Variants in KDM2B observed in about 807,000 individuals in gnomAD.
KDM2B encodes the protein lysine-specific demethylase 2B.
KDM2B carries 26 observed loss-of-function variants against 150.0 expected under a neutral mutation model. The ratio of observed to expected loss-of-function variants is 0.17; its 90% confidence interval spans 0.13 to 0.24. The LOEUF is 0.24. Ranked by LOEUF, KDM2B falls within the 10% of genes least tolerant of loss-of-function variation. The pLI, the probability that KDM2B is intolerant of heterozygous loss-of-function variation, is 1.00. For synonymous variants in KDM2B, 734 were observed against 729.5 expected (o/e 1.01, Z -0.10); for missense variants, 1,265 against 1,816.9 (o/e 0.70, Z 5.52).
chr12:121,519,884 TTTTG>T (rs1886535168), intron 9 of KDM2B, among the ~76,000 whole-genome samples: 1 of 151,802 alleles, frequency 6.6e-6, no homozygotes, highest in African/African-American at 2.4e-5. Context: ...AGTCTCTGGG[TTTTG>T]TTTGTTTCTT....
Position 121,453,516 on chromosome 12 carries a change from G to C in KDM2B, c.1735-172C>G, listed in dbSNP as rs1348991115. On this transcript the variant is annotated intron_variant, in intron 12 of 22. Coordinates refer to ENST00000377071, the MANE Select transcript of KDM2B (RefSeq NM_032590.5). The surrounding 1 kb of genome is among the most constrained non-coding windows in gnomAD (Gnocchi z 6.4). Reference sequence around the variant, plus strand: ...TGGAGATGGGGGCTTTGCAGAGACCGTCAGGTTAAACGAGGTAATTCAGGT... The same window carrying C: ...TGGAGATGGGGGCTTTGCAGAGACCCTCAGGTTAAACGAGGTAATTCAGGT... 6.6e-6 allele frequency among the ~76,000 whole-genome samples: 1 copy of C among 152,256 alleles called. No individual in the cohort carries two copies. The highest frequency in any genetic ancestry group is 2.4e-5 in the African/African-American group (1 of 41,470).
intron 12 of KDM2B, among the ~76,000 whole-genome samples, chr12:121,473,545 CCT>C (rs781855637): frequency 6.6e-6 from 1 of 151,800 alleles, no homozygotes; most frequent in Non-Finnish European, 1.5e-5. Context: ...ATGGAGAAAC[CCT>C]GTCTCTACTA....
chr12:121,419,759 G>C, the KDM2B span: 1 of 153,148 alleles, frequency 6.5e-6, no homozygotes, highest in Non-Finnish European at 1.5e-5. Context: ...GTGAAGTCTA[G>C]AAAGCCTTCG....
intron 6 of KDM2B, among the ~76,000 whole-genome samples, chr12:121,538,751 G>C (rs1042751377): frequency 5.3e-5 from 8 of 152,130 alleles, no homozygotes; most frequent in African/African-American, 1.4e-4. Context: ...CCTCGAGTTC[G>C]GGTCCAGCCT....
In KDM2B at chr12:121,548,994, G is replaced by A. The variant is rs782728331; in HGVS notation, c.577-11C>T. 6.2e-7 allele frequency: 1 copy of A among 1,604,710 alleles called. No homozygotes were observed. Among genetic ancestry groups the A allele is most frequent in the East Asian group, 2.2e-5 (1 of 44,832 alleles). On this transcript the variant is annotated splice_polypyrimidine_tract_variant and intron_variant, in intron 5 of 22. Transcript: ENST00000377071. The stretch of plus-strand genomic sequence containing the variant: ...GTCCACCAGGTCTACCTGAAAGCCA[G>A]ACCAGTGTGAGCACTGCATTTCTCC...
In KDM2B at chr12:121,580,855, A is replaced by G; in HGVS notation, c.57T>C (p.His19=). The G allele has an allele frequency of 6.2e-7, 1 of 1,613,962 alleles. No homozygotes were observed. The highest frequency in any genetic ancestry group is 8.5e-7 in the Non-Finnish European group (1 of 1,179,940). ...TTTTCTTTTTTTGCTTTTCTGCTGC[A>G]TGTCTTTTTCGTGGGGGGTGATCCT... The part of the protein sequence containing the change: ...SAEDHPPRKR[H]AAEKQKKKTV... The change falls in exon 1 of 23, where the codon CAT becomes CAC. Residue 19 remains histidine, a synonymous_variant. Transcript: ENST00000377071.
At position 121,442,008 on chromosome 12, in the gene KDM2B, G is replaced by T; in HGVS notation, c.3284+149C>A. 3.0e-6 allele frequency: 2 copies of T among 670,566 alleles called. No individual in the cohort carries two copies. Among genetic ancestry groups the T allele is most frequent in the Non-Finnish European group, 5.1e-6 (2 of 390,702 alleles). 41.5% of individuals were successfully genotyped at this position (670,566 alleles called of 1,614,324 possible). On this transcript the variant is annotated intron_variant, in intron 19 of 22. Coordinates refer to ENST00000377071, the MANE Select transcript of KDM2B (RefSeq NM_032590.5). This position sits in a 1 kb window ranked among gnomAD's most constrained non-coding sequence, Gnocchi z 7.7. ...CTCCTCTGACAAGACCAGAGGGGCCGCTGTAGCCAGCTGGAACGCTTTGCG... is the reference window on the plus strand; with the variant it reads ...CTCCTCTGACAAGACCAGAGGGGCCTCTGTAGCCAGCTGGAACGCTTTGCG...
chr12:121,444,779 G>A (rs1430573922), intron 14 of KDM2B: 11 of 566,884 alleles, frequency 1.9e-5, no homozygotes, highest in African/African-American at 3.8e-5. Context: ...AAGACACTCC[G>A]TCTCTGTGGG....
the KDM2B span, among the ~76,000 whole-genome samples, chr12:121,410,559 T>G: frequency 7.0e-6 from 1 of 143,000 alleles, no homozygotes; most frequent in South Asian, 2.3e-4. Flanking sequence ...AAAAAAAAAA[T>G]GCTGGATGGG....
chr12:121,417,833 C>A, the KDM2B span: 4 of 1,614,094 alleles, frequency 2.5e-6, no homozygotes, highest in African/African-American at 1.3e-5. The surrounding 1 kb of genome is among the most constrained non-coding windows in gnomAD (Gnocchi z 5.0). Context: ...ACTATACAGC[C>A]CCCTCTGCTA....
chr12:121,565,993 A>G (rs1011983527), intron 4 of KDM2B, among the ~76,000 whole-genome samples: 3 of 151,906 alleles, frequency 2.0e-5, no homozygotes, highest in Non-Finnish European at 4.4e-5. Context: ...ATATGGGAAA[A>G]AAGGGGAGAC....
At chr12:121,574,478 G>A (rs1307348081) in intron 4 of KDM2B, 69 bp downstream of exon 4, 2 of 1,468,788 alleles carry the variant, frequency 1.4e-6, no homozygotes, top group Non-Finnish European at 1.9e-6. Context: ...TAAATGGGCA[G>A]GTGGTGACCG....
intron 8 of KDM2B, among the ~76,000 whole-genome samples, chr12:121,531,500 T>C (rs1464408426): frequency 5.9e-5 from 9 of 152,208 alleles, no homozygotes; most frequent in African/African-American, 2.2e-4. Context: ...TTCCACCCAG[T>C]TGTAGATTGT....
At position 121,467,090 on chromosome 12, in the gene KDM2B, C is replaced by T. The variant is rs1449483277; in HGVS notation, c.1735-13746G>A. 1.3e-5 allele frequency: 12 copies of T among 958,228 alleles called. No homozygotes were observed. The East Asian group carries it at 4.5e-4, about 36-fold the overall frequency. 59.4% of individuals were successfully genotyped at this position (958,228 alleles called of 1,614,324 possible). ...GCGGCGGCGTCGCGGCCGCCCTCGG[C>T]GCGTCAGACAGGCGGTCGGGAGGTC... On this transcript the variant is annotated intron_variant, in intron 12 of 22. Coordinates refer to ENST00000377071, the MANE Select transcript of KDM2B (RefSeq NM_032590.5). This position sits in a 1 kb window ranked among gnomAD's most constrained non-coding sequence, Gnocchi z 5.1.
chr12:121,548,712 CCT>C (rs1889255554), intron 6 of KDM2B, among the ~76,000 whole-genome samples, 163 bp downstream of exon 6: 1 of 152,222 alleles, frequency 6.6e-6, no homozygotes, highest in South Asian at 2.1e-4. Context: ...CCCCGTCCCT[CCT>C]GTCCCAGCTG....
chr12:121,552,736 C>T (rs1889599104), intron 4 of KDM2B, among the ~76,000 whole-genome samples: 1 of 151,752 alleles, frequency 6.6e-6, no homozygotes, highest in Admixed American at 6.6e-5. Flanking sequence ...CCCCATGGAC[C>T]CTAGGAAGCA....
At chr12:121,477,425 C>T (rs1251123004) in intron 12 of KDM2B, among the ~76,000 whole-genome samples, 1 of 152,152 alleles carries the variant, frequency 6.6e-6, no homozygotes, top group East Asian at 1.9e-4. Flanking sequence ...ACTCTGTCAC[C>T]TACGCTGGAG....
intron 11 of KDM2B, among the ~76,000 whole-genome samples, chr12:121,507,303 G>T (rs1465024111): frequency 2.0e-5 from 3 of 152,002 alleles, no homozygotes; most frequent in African/African-American, 7.3e-5. Flanking sequence ...GGCAGAGGTT[G>T]CAGTGAACCA....
At position 121,440,799 on chromosome 12, in the gene KDM2B, C is replaced by T; in HGVS notation, c.3610+17G>A. ...GCTCACCCCACCCCCACAGAAACCC[C>T]CAGCCTGGCAACTCACCTGGCCTGT... On this transcript the variant is annotated intron_variant, in intron 21 of 22. Coordinates refer to ENST00000377071, the MANE Select transcript of KDM2B (RefSeq NM_032590.5). The T allele has an allele frequency of 6.3e-7, 1 of 1,595,242 alleles. No homozygotes were observed. Among genetic ancestry groups the T allele is most frequent in the African/African-American group, 1.3e-5 (1 of 74,508 alleles).
Sources: gnomAD v4.1 joint callset for allele counts (sites outside exome capture counted in the v4.1 genomes callset) on GRCh38, gnomAD v4.1.1 for gene constraint, Gnocchi (gnomAD v3.1) non-coding constraint, MANE v1.5 for transcripts, NCBI Gene and HGNC (gene_info 2026-07-23, HGNC 2026-07-21) for gene names.